Variants in STARD3 observed in about 807,000 individuals in gnomAD.
STARD3 encodes the protein stAR-related lipid transfer protein 3.
In STARD3, 39 loss-of-function variants were observed where a neutral mutation model predicts 62.0. The ratio of observed to expected loss-of-function variants is 0.63; its 90% CI spans 0.49 to 0.82. The LOEUF is 0.82. Ranked by LOEUF, STARD3 falls within the 40% of genes least tolerant of loss-of-function variation. STARD3 has a pLI of 0.00. For missense variants in STARD3, 543 were observed against 584.5 expected (o/e 0.93, Z 0.73); for synonymous variants, 229 against 242.4 (o/e 0.94, Z 0.51).
chr17:39,653,297 G>A (rs929374722), intron 1 of STARD3, 184 bp from the exon 2 acceptor site: 42 of 591,764 alleles, frequency 7.1e-5, no homozygotes, highest in Admixed American at 4.8e-4. Flanking sequence ...GATAATTAGC[G>A]GAATGCTCAA....
intron 1 of STARD3, among the ~76,000 whole-genome samples, chr17:39,638,597 C>A (rs1475415652): frequency 1.3e-5 from 2 of 152,166 alleles, no homozygotes; most frequent in Non-Finnish European, 2.9e-5. Context: ...CCGCCTAACC[C>A]CCAAGGTTAA....
chr17:39,661,226 T>C (rs2145046287), intron 13 of STARD3, 141 bp downstream of exon 13: 1 of 718,562 alleles, frequency 1.4e-6, no homozygotes, highest in Admixed American at 2.4e-5. Context: ...GCTCTGCTCC[T>C]CCTGGCTACT....
Position 39,657,058 on chromosome 17 carries a change from C to CT in STARD3, c.273dup (p.Lys92Ter). 2 of 1,614,206 alleles carry CT rather than the reference C, an allele frequency of 1.2e-6. No individual in the cohort carries two copies. Among genetic ancestry groups the CT allele is most frequent in the Non-Finnish European group, 1.7e-6 (2 of 1,180,030 alleles). The stretch of plus-strand genomic sequence containing the variant: ...TGGAGCAGGAGATCATCCAGTACAA[C>CT]TTTAAAACTTCCTTCTTCGACATCT... On this transcript the variant is annotated frameshift_variant, in exon 3 of 15. Coordinates refer to ENST00000336308, the MANE Select transcript of STARD3 (RefSeq NM_006804.4). LOFTEE classifies it high-confidence loss of function.
chr17:39,661,161 G>A (rs2145045028), intron 13 of STARD3, 76 bp downstream of exon 13: 3 of 1,361,144 alleles, frequency 2.2e-6, no homozygotes, highest in Non-Finnish European at 3.1e-6. Flanking sequence ...GGTACAGCAT[G>A]TACAGCTGGG....
intron 9 of STARD3, 112 bp downstream of exon 9, chr17:39,659,665 G>T: frequency 1.7e-6 from 2 of 1,174,700 alleles, no homozygotes; most frequent in Non-Finnish European, 1.2e-6. Flanking sequence ...CCATATTCCT[G>T]CCCCAAGAGA....
chr17:39,637,813 G>T (rs2056946627), intron 1 of STARD3, among the ~76,000 whole-genome samples: 2 of 152,172 alleles, frequency 1.3e-5, no homozygotes. Flanking sequence ...CGCTCTGACA[G>T]TCGGTCAAAG....
In STARD3 at chr17:39,657,859, T is replaced by C; in HGVS notation, c.375+7T>C. The C allele has an allele frequency of 6.2e-7, 1 of 1,614,202 alleles. No homozygotes were observed. The highest frequency in any genetic ancestry group is 2.2e-5 in the East Asian group (1 of 44,884). On this transcript the variant is annotated splice_region_variant and intron_variant, in intron 4 of 14. Transcript: ENST00000336308. ...GCACTGGTGGGTGATTGCGGTAAGA[T>C]GCCACTTTCCTGGCAGCTTCTGGGC...
In STARD3 at chr17:39,663,027, AC is replaced by A; in HGVS notation, c.*121del. 3 of 1,028,780 alleles carry A rather than the reference AC, an allele frequency of 2.9e-6. No individual in the cohort carries two copies. The highest frequency in any genetic ancestry group is 4.2e-6 in the Non-Finnish European group (3 of 721,460). The allele number at this position is 1,028,780 out of a possible 1,614,324, so 63.7% of individuals were successfully genotyped here. A position where few individuals can be genotyped will look rare whatever the true frequency, so the allele number is the denominator to read the frequency against. On this transcript the variant is annotated 3_prime_UTR_variant, in exon 15 of 15. Transcript: ENST00000336308. The stretch of plus-strand genomic sequence containing the variant: ...ACCTGGCCCCAGGCTGTCACCCTCC[AC>A]CGAGCCACGCAGTGCCTGGAGTTGA...
chr17:39,640,069 C>T (rs767775349), intron 1 of STARD3, among the ~76,000 whole-genome samples: 1 of 152,210 alleles, frequency 6.6e-6, no homozygotes, highest in Non-Finnish European at 1.5e-5. Flanking sequence ...GTCCTGTGGC[C>T]CCAGGACTTG....
intron 1 of STARD3, among the ~76,000 whole-genome samples, chr17:39,649,626 G>T (rs1240642784): frequency 6.6e-6 from 1 of 152,298 alleles, no homozygotes; most frequent in Non-Finnish European, 1.5e-5. Context: ...CAGCACTTTG[G>T]GAGGCCAAGG....
intron 13 of STARD3, among the ~76,000 whole-genome samples, chr17:39,661,934 C>T (rs1251888562): frequency 2.0e-5 from 3 of 152,198 alleles, no homozygotes; most frequent in Non-Finnish European, 4.4e-5. Flanking sequence ...TCTGCCATAG[C>T]AGGGCTGACC....
rs1052450552 is a variant in STARD3 at position 39,637,145 on chromosome 17, T to A, written c.-138T>A. On this transcript the variant is annotated 5_prime_UTR_variant, in exon 1 of 15. Transcript: ENST00000336308. ...GCGGAAGTGGCGCTGCCGGAAGATC[T>A]TCTTCCGCTCTGAGGCGCTACTGAG... 4.1e-5 allele frequency: 6 copies of A among 148,096 alleles called. No homozygotes were observed. Among genetic ancestry groups the A allele is most frequent in the African/African-American group, 1.6e-4 (6 of 37,550 alleles). 9.2% of individuals were successfully genotyped at this position (148,096 alleles called of 1,614,324 possible).
At chr17:39,656,951 G>A (rs1597797041) in intron 2 of STARD3, 57 bp from the exon 3 acceptor site, 1 of 1,578,428 alleles carries the variant, frequency 6.3e-7, no homozygotes, top group East Asian at 2.2e-5. Flanking sequence ...GGGAGGTGAG[G>A]GGCAGCCCCA....
At chr17:39,644,509 C>G (rs1302555921) in intron 1 of STARD3, among the ~76,000 whole-genome samples, 1 of 151,982 alleles carries the variant, frequency 6.6e-6, no homozygotes, top group African/African-American at 2.4e-5. Context: ...GCAGTGGAGG[C>G]TTGCACAATG....
chr17:39,662,220 A>G (rs1382215773), intron 13 of STARD3, 31 bp from the exon 14 acceptor site: 3 of 1,604,322 alleles, frequency 1.9e-6, no homozygotes, highest in Non-Finnish European at 2.6e-6. Flanking sequence ...ACTCTGTTCC[A>G]AAGTCCCCCC....
chr17:39,659,915 G>T (rs2057176413), intron 9 of STARD3: 1 of 544,766 alleles, frequency 1.8e-6, no homozygotes. Flanking sequence ...ACATGCCCCA[G>T]TCCCTCTCTC....
intron 6 of STARD3, 68 bp downstream of exon 6, chr17:39,658,590 C>T (rs2057158018): frequency 1.3e-6 from 2 of 1,565,976 alleles, no homozygotes; most frequent in African/African-American, 1.4e-5. Context: ...GAGTTGCGGG[C>T]ATGAGAGTCA....
At chr17:39,654,138 T>A (rs1343990291) in intron 2 of STARD3, among the ~76,000 whole-genome samples, 1 of 151,442 alleles carries the variant, frequency 6.6e-6, no homozygotes, top group Non-Finnish European at 1.5e-5. Context: ...GCCCTCTGGC[T>A]CCAGTTGGTT....
In STARD3 at chr17:39,659,566, C is replaced by T; in HGVS notation, c.795+13C>T. 2 of 1,613,314 alleles carry T rather than the reference C, an allele frequency of 1.2e-6. No homozygotes were observed. The highest frequency in any genetic ancestry group is 1.7e-6 in the Non-Finnish European group (2 of 1,179,282). ...TGAGAAGAATAATGTAAGAAGCCCT[C>T]TCCCACCTGACCTTCCCATGCGTGT... On this transcript the variant is annotated intron_variant, in intron 9 of 14. Transcript: ENST00000336308.
Sources: allele counts gnomAD v4.1 joint callset (sites outside exome capture counted in the v4.1 genomes callset), GRCh38; gene constraint gnomAD v4.1.1; transcripts MANE v1.5; gene names NCBI Gene and HGNC (gene_info 2026-07-23, HGNC 2026-07-21).